The following ADARB2 variants were observed in gnomAD, a reference collection of about 807,000 sequenced individuals.
ADARB2 encodes the protein adenosine deaminase RNA specific B2 (inactive).
ADARB2 carries 25 observed loss-of-function variants against 62.2 expected under a neutral mutation model. That is an observed-to-expected ratio of 0.40 (90% CI 0.29 to 0.56). The LOEUF (loss-of-function observed/expected upper bound fraction) is 0.56. Among genes scored for constraint, ADARB2 ranks in the 20% least tolerant of loss-of-function variants. The pLI, the probability that ADARB2 is intolerant of heterozygous loss-of-function variation, is 0.43. For missense variants in ADARB2, 1,071 were observed against 1,077.4 expected, an observed-to-expected ratio of 0.99 and a Z score of 0.08; for synonymous variants, 572 against 500.8, an observed-to-expected ratio of 1.14 and a Z score of -1.90.
Position 1,732,222 on chromosome 10 carries a change from T to C in ADARB2, c.100+4829A>G, listed in dbSNP as rs529850197. Among the ~76,000 whole-genome samples the C allele has an allele frequency of 3.1e-3, 470 of 151,848 alleles. 1 individual carries two copies. The highest frequency in any genetic ancestry group is 5.0e-3 in the Non-Finnish European group (340 of 67,968). On this transcript the variant is annotated intron_variant, in intron 1 of 9. Transcript: ENST00000381312. The stretch of plus-strand genomic sequence containing the variant: ...GTAATATACATGTATATATATAATA[T>C]GTATGTGTGTATATATATCATACTA...
chr10:1,597,506 A>G (rs1490827314), intron 1 of ADARB2, among the ~76,000 whole-genome samples: 1 of 152,206 alleles, frequency 6.6e-6, no homozygotes, highest in Non-Finnish European at 1.5e-5. Flanking sequence ...GCCAAGAAAC[A>G]TATGAAAAAA....
chr10:1,269,552 A>T (rs1831238815), intron 4 of ADARB2, among the ~76,000 whole-genome samples: 2 of 152,220 alleles, frequency 1.3e-5, no homozygotes, highest in South Asian at 4.1e-4. Flanking sequence ...TGTTGCTGTT[A>T]TCCCCATTTT....
intron 6 of ADARB2, among the ~76,000 whole-genome samples, chr10:1,228,247 G>A (rs1480447435): frequency 6.6e-6 from 1 of 152,194 alleles, no homozygotes; most frequent in East Asian, 1.9e-4. Flanking sequence ...GAGAATTTAA[G>A]CTGCTAAGTT....
chr10:1,721,216 T>C (rs189996969), intron 1 of ADARB2, among the ~76,000 whole-genome samples: 1 of 152,214 alleles, frequency 6.6e-6, no homozygotes, highest in Non-Finnish European at 1.5e-5. Flanking sequence ...ATCAAAATTA[T>C]GTAAATAATT....
chr10:1,603,949 T>C (rs1758046306), intron 1 of ADARB2, among the ~76,000 whole-genome samples: 1 of 152,096 alleles, frequency 6.6e-6, no homozygotes, highest in African/African-American at 2.4e-5. Context: ...GGATTACAGG[T>C]GCACACCATC....
chr10:1,301,568 C>CTG (rs1564251326), intron 3 of ADARB2, among the ~76,000 whole-genome samples: 2 of 152,168 alleles, frequency 1.3e-5, no homozygotes, highest in African/African-American at 4.8e-5. Flanking sequence ...TTCTCTCTCT[C>CTG]TCTCTGTCCC....
chr10:1,698,953 G>T (rs1273121546), intron 1 of ADARB2, among the ~76,000 whole-genome samples: 1 of 152,128 alleles, frequency 6.6e-6, no homozygotes, highest in African/African-American at 2.4e-5. Flanking sequence ...TAGAGATTGG[G>T]TTTCGCCATG....
chr10:1,197,483 GC>G (rs1402926558), intron 8 of ADARB2, among the ~76,000 whole-genome samples: 1 of 152,314 alleles, frequency 6.6e-6, no homozygotes, highest in Admixed American at 6.5e-5. Flanking sequence ...GGCTTCAGAC[GC>G]CCCAGCTGGC....
intron 4 of ADARB2, among the ~76,000 whole-genome samples, chr10:1,262,569 T>C (rs1182020933): frequency 1.3e-5 from 2 of 150,510 alleles, no homozygotes; most frequent in African/African-American, 4.9e-5. Context: ...GAAATACAAA[T>C]CAAAACCACA....
intron 1 of ADARB2, among the ~76,000 whole-genome samples, chr10:1,510,448 T>C (rs1831922647): frequency 6.6e-6 from 1 of 152,050 alleles, no homozygotes; most frequent in Admixed American, 6.6e-5. Context: ...TCCCAAAGTG[T>C]TGGGATGACA....
chr10:1,464,205 T>C (rs1831216564), intron 1 of ADARB2, among the ~76,000 whole-genome samples: 2 of 120,326 alleles, frequency 1.7e-5, no homozygotes, highest in East Asian at 2.7e-4. Flanking sequence ...GGACACACAC[T>C]CCCCCACACA....
chr10:1,656,598 TGAC>T (rs1834175254), intron 1 of ADARB2, among the ~76,000 whole-genome samples: 2 of 152,226 alleles, frequency 1.3e-5, no homozygotes, highest in African/African-American at 4.8e-5. Context: ...GTCTTGTGAA[TGAC>T]GCACACTTGT....
chr10:1,596,830 A>G (rs1209491587), intron 1 of ADARB2, among the ~76,000 whole-genome samples: 1 of 152,334 alleles, frequency 6.6e-6, no homozygotes, highest in East Asian at 1.9e-4. Context: ...CCGCAGCAGG[A>G]GGGAGAGTGG....
chr10:1,586,774 A>G (rs978546496), intron 1 of ADARB2, among the ~76,000 whole-genome samples: 3 of 152,204 alleles, frequency 2.0e-5, no homozygotes, highest in Non-Finnish European at 2.9e-5. Flanking sequence ...GAAGAAAAAA[A>G]TGTGTTGCAC....
chr10:1,256,264 G>A (rs992086360), intron 4 of ADARB2, among the ~76,000 whole-genome samples: 4 of 152,114 alleles, frequency 2.6e-5, no homozygotes, highest in Admixed American at 6.5e-5. Context: ...AACTCTCCCC[G>A]CTACTTCCTG....
chr10:1,567,565 C>A (rs1832874454), intron 1 of ADARB2, among the ~76,000 whole-genome samples: 1 of 152,208 alleles, frequency 6.6e-6, no homozygotes, highest in Admixed American at 6.5e-5. Context: ...GGACGGTCAG[C>A]CCCTGCCAGG....
At chr10:1,415,754 T>G (rs928726440) in intron 1 of ADARB2, among the ~76,000 whole-genome samples, 1 of 152,228 alleles carries the variant, frequency 6.6e-6, no homozygotes, top group Admixed American at 6.5e-5. Context: ...AAGTTATTTG[T>G]TTGATTCTAT....
At chr10:1,495,523 G>T (rs1831675838) in intron 1 of ADARB2, among the ~76,000 whole-genome samples, 2 of 152,182 alleles carry the variant, frequency 1.3e-5, no homozygotes, top group Admixed American at 1.3e-4. Context: ...TAGAATTCCA[G>T]CCCAATGCTA....
At chr10:1,291,734 G>A (rs117863612) in intron 3 of ADARB2, 7,002 of 152,270 alleles carry the variant, frequency 0.046, 202 homozygotes, top group Middle Eastern at 0.088. Context: ...CAACCAAGAC[G>A]GCTCCTGTGG....
Sources: gnomAD v4.1 joint callset for allele counts (sites outside exome capture counted in the v4.1 genomes callset) on GRCh38, gnomAD v4.1.1 for gene constraint, MANE v1.5 for transcripts, NCBI Gene and HGNC (gene_info 2026-07-23, HGNC 2026-07-21) for gene names.